The following C1GALT1 variants were observed in gnomAD, a reference collection of about 807,000 sequenced individuals.
C1GALT1 encodes core 1 synthase, glycoprotein-N-acetylgalactosamine 3-beta-galactosyltransferase 1.
A neutral mutation model predicts 31.0 loss-of-function variants in C1GALT1; 11 were observed. That is an observed-to-expected ratio of 0.36 (90% CI 0.22 to 0.59). The LOEUF is 0.59. Among genes scored for constraint, C1GALT1 ranks in the 20% least tolerant of loss-of-function variants. The pLI is 0.79. For missense variants in C1GALT1, 424 were observed against 425.2 expected, an observed-to-expected ratio of 1.00 and a Z score of 0.03; for synonymous variants, 175 against 143.6, an observed-to-expected ratio of 1.22 and a Z score of -1.56.
In C1GALT1 at chr7:7,243,533, T is replaced by G; in HGVS notation, c.898T>G (p.Cys300Gly). 6.2e-7 allele frequency: 1 copy of G among 1,601,048 alleles called. No individual in the cohort carries two copies. Among genetic ancestry groups the G allele is most frequent in the Non-Finnish European group, 8.5e-7 (1 of 1,176,054 alleles). The change falls in exon 4 of 4, where the codon TGC becomes GGC. Residue 300 changes from cysteine (C) to glycine (G), a missense_variant. This residue lies in a region of C1GALT1 where 191 missense variants were observed against 188.8 expected (regional missense o/e 1.01). Transcript: ENST00000436587. ...TCCACTACTTTTTTAGGGTCCTGGTTGCTGCTCTGATCTTGCAGTTTCTTT... is the reference window on the plus strand; with the variant it reads ...TCCACTACTTTTTTAGGGTCCTGGTGGCTGCTCTGATCTTGCAGTTTCTTT... Reference protein sequence around the residue: ...NYYPPVEGPGCCSDLAVSFHY... With the variant: ...NYYPPVEGPGGCSDLAVSFHY...
At chr7:7,186,620 G>T (rs1467906149) in intron 1 of C1GALT1, among the ~76,000 whole-genome samples, 1 of 152,190 alleles carries the variant, frequency 6.6e-6, no homozygotes, top group Non-Finnish European at 1.5e-5. Context: ...ATATTAATAG[G>T]TGCTGTGGGT....
chr7:7,170,459 A>G (rs540741871), intron 2 of C1GALT1, among the ~76,000 whole-genome samples: 1 of 152,276 alleles, frequency 6.6e-6, no homozygotes, highest in East Asian at 1.9e-4. Context: ...CTGATGTTTT[A>G]ATATATGTGT....
rs186173550 is a variant in C1GALT1 at position 7,187,625 on chromosome 7, C to T, written c.-18+4805C>T. On this transcript the variant is annotated intron_variant, in intron 1 of 3. Transcript: ENST00000436587. Reference sequence around the variant, plus strand: ...GCTGGCTAAATATCCTACAGAGGACCGGACGGCTTCCACAACAGAGAGTTA... The same window carrying T: ...GCTGGCTAAATATCCTACAGAGGACTGGACGGCTTCCACAACAGAGAGTTA... Among the ~76,000 whole-genome samples the T allele has an allele frequency of 2.5e-4, 38 of 152,180 alleles. 1 individual carries two copies. Among genetic ancestry groups the T allele is most frequent in the Admixed American group, 1.9e-3 (29 of 15,294 alleles).
At chr7:7,232,362 T>C (rs948091885) in intron 1 of C1GALT1, among the ~76,000 whole-genome samples, 1 of 152,254 alleles carries the variant, frequency 6.6e-6, no homozygotes, top group Admixed American at 6.5e-5. Flanking sequence ...TCACAAACTA[T>C]TTCAAAGCAA....
intron 1 of C1GALT1, among the ~76,000 whole-genome samples, chr7:7,208,273 T>C (rs1409354014): frequency 6.6e-6 from 1 of 152,184 alleles, no homozygotes; most frequent in Non-Finnish European, 1.5e-5. Context: ...GGCACAAGAA[T>C]AGTGATGATG....
chr7:7,227,181 G>GTTAA (rs1255174637), intron 1 of C1GALT1, among the ~76,000 whole-genome samples: 7 of 152,218 alleles, frequency 4.6e-5, no homozygotes, highest in South Asian at 2.1e-4. Flanking sequence ...AATCTAATAT[G>GTTAA]TTAATTCTTT....
chr7:7,186,610 A>T (rs947513509), intron 1 of C1GALT1, among the ~76,000 whole-genome samples: 1 of 152,216 alleles, frequency 6.6e-6, no homozygotes, highest in Non-Finnish European at 1.5e-5. Flanking sequence ...ATAATATTTG[A>T]TATTAATAGG....
At chr7:7,199,239 T>C (rs1435616951) in intron 1 of C1GALT1, among the ~76,000 whole-genome samples, 3 of 152,220 alleles carry the variant, frequency 2.0e-5, no homozygotes, top group Non-Finnish European at 4.4e-5. Context: ...ATGTTGTGTC[T>C]TTGTTCTCAT....
At chr7:7,174,187 GCACTACTTC>G (rs1780481578) in intron 2 of C1GALT1, among the ~76,000 whole-genome samples, 1 of 152,000 alleles carries the variant, frequency 6.6e-6, no homozygotes, top group African/African-American at 2.4e-5. Flanking sequence ...CCCTTAACTT[GCACTACTTC>G]CTTAGAGACC....
intron 1 of C1GALT1, among the ~76,000 whole-genome samples, chr7:7,206,288 G>A (rs1781735698): frequency 2.0e-5 from 3 of 151,872 alleles, no homozygotes. Context: ...TACTGTCACT[G>A]CAATTTTTAT....
intron 2 of C1GALT1, among the ~76,000 whole-genome samples, chr7:7,161,040 A>G (rs1036579155): frequency 9.2e-5 from 14 of 152,142 alleles, no homozygotes; most frequent in East Asian, 1.9e-4. Context: ...AATAATGACT[A>G]CTTGTGTAGT....
intron 1 of C1GALT1, among the ~76,000 whole-genome samples, chr7:7,220,522 T>C (rs1474830423): frequency 6.8e-6 from 1 of 146,442 alleles, no homozygotes; most frequent in African/African-American, 2.4e-5. Flanking sequence ...AAAGTATCTT[T>C]ATTCTTTTTT....
intron 1 of C1GALT1, among the ~76,000 whole-genome samples, chr7:7,219,309 A>C (rs1782399974): frequency 6.6e-6 from 1 of 152,244 alleles, no homozygotes; most frequent in African/African-American, 2.4e-5. Flanking sequence ...AGAATGTACA[A>C]CACCAAAAGT....
chr7:7,238,256 T>G lies in C1GALT1; in HGVS notation c.222T>G (p.Asp74Glu), dbSNP rs1204166065. 6.3e-7 allele frequency: 1 copy of G among 1,585,954 alleles called. No individual in the cohort carries two copies. The change falls in exon 3 of 4, where the codon GAT becomes GAG. Residue 74 changes from aspartate (D) to glutamate (E), a missense_variant and splice_region_variant. Asp to Glu is a conservative substitution (Grantham distance 45). Around this residue, in one of 3 missense-constraint regions of C1GALT1, gnomAD observed 189 missense variants for 158.2 expected, o/e 1.19. Transcript: ENST00000436587. The surrounding 1 kb of genome is among the most constrained non-coding windows in gnomAD (Gnocchi z 5.2). ...NFNADSSQHKDENTDIAENLY... is the reference protein window; with the variant it reads ...NFNADSSQHKEENTDIAENLY... The stretch of plus-strand genomic sequence containing the variant: ...CTTTTAAAATGTTTTGTTTAATAGA[T>G]GAGAACACAGACATTGCTGAAAACC...
intron 1 of C1GALT1, among the ~76,000 whole-genome samples, chr7:7,207,965 C>T (rs187618670): frequency 2.0e-4 from 30 of 152,132 alleles, no homozygotes; most frequent in Middle Eastern, 3.4e-3. Context: ...CAACAGTGGT[C>T]CAAAAATATT....
Position 7,238,520 on chromosome 7 carries a change from T to C in C1GALT1, c.486T>C (p.Ala162=), listed in dbSNP as rs533762942. 1.2e-6 allele frequency: 2 copies of C among 1,614,138 alleles called. No homozygotes were observed. The highest frequency in any genetic ancestry group is 1.7e-6 in the Non-Finnish European group (2 of 1,179,984). ...TTCATGAACATTATTTAGAAGATGCTGATTGGTTTTTGAAAGCAGATGATG... is the reference window on the plus strand; with the variant it reads ...TTCATGAACATTATTTAGAAGATGCCGATTGGTTTTTGAAAGCAGATGATG... ...QYVHEHYLED[A]DWFLKADDDT... is the part of the protein sequence containing the mutation. Residue 162 remains alanine (A), a synonymous_variant, in exon 3 of 4, where the codon GCT becomes GCC. Coordinates refer to ENST00000436587, the MANE Select transcript of C1GALT1 (RefSeq NM_020156.5). This position sits in a 1 kb window ranked among gnomAD's most constrained non-coding sequence, Gnocchi z 5.2.
upstream of C1GALT1, among the ~76,000 whole-genome samples, chr7:7,179,372 T>C (rs1470809227): frequency 2.6e-5 from 4 of 151,886 alleles, no homozygotes; most frequent in Non-Finnish European, 5.9e-5. Flanking sequence ...ATTTTAATAC[T>C]ACCATATGAG....
intron 2 of C1GALT1, among the ~76,000 whole-genome samples, chr7:7,167,689 C>G (rs62453510): frequency 0.14 from 20,798 of 151,994 alleles, 1,771 homozygotes; most frequent in Middle Eastern, 0.26. Context: ...TTCCAATTCA[C>G]CAAAATTTGG....
chr7:7,238,122 T>C lies in C1GALT1; in HGVS notation c.221-133T>C. ...AGTTCACATTAGGATGAGTTTGCTT[T>C]CCTTTGGCTAAATCACTAATAGAGG... On this transcript the variant is annotated intron_variant, in intron 2 of 3. Coordinates refer to ENST00000436587, the MANE Select transcript of C1GALT1 (RefSeq NM_020156.5). The surrounding 1 kb of genome is among the most constrained non-coding windows in gnomAD (Gnocchi z 5.2). 4.6e-6 allele frequency: 4 copies of C among 863,698 alleles called. No individual in the cohort carries two copies. In the South Asian group the frequency reaches 8.1e-5, roughly 18 times the overall value. The allele number at this position is 863,698 out of a possible 1,614,324, so 53.5% of individuals were successfully genotyped here. A position where few individuals can be genotyped will look rare whatever the true frequency, so the allele number is the denominator to read the frequency against.
Sources: allele counts gnomAD v4.1 joint callset (sites outside exome capture counted in the v4.1 genomes callset), GRCh38; gene constraint gnomAD v4.1.1; regional missense constraint gnomAD v4.1.1; non-coding constraint Gnocchi (gnomAD v3.1); transcripts MANE v1.5; gene names NCBI Gene and HGNC (gene_info 2026-07-23, HGNC 2026-07-21).